Variants in NHS observed in about 807,000 individuals in gnomAD.
NHS encodes NHS actin remodeling regulator.
NHS carries 5 observed loss-of-function variants against 72.5 expected under a neutral mutation model. The ratio of observed to expected loss-of-function variants is 0.07; its 90% CI spans 0.04 to 0.14. The LOEUF is 0.14. NHS is among the 10% of genes least tolerant of loss of function. The pLI is 1.00. For missense variants in NHS, 1,072 were observed against 1,355.7 expected (o/e 0.79, Z 3.29); for synonymous variants, 464 against 547.7 (o/e 0.85, Z 2.13).
intron 1 of NHS, among the ~76,000 whole-genome samples, chrX:17,529,907 G>A (rs908496269): frequency 3.6e-5 from 4 of 111,398 alleles, no homozygotes; most frequent in Non-Finnish European, 7.5e-5. Flanking sequence ...TGTCTTTTGA[G>A]TTTGTTTTAC....
At chrX:17,522,931 T>C (rs1238045580) in intron 1 of NHS, among the ~76,000 whole-genome samples, 1 of 111,695 alleles carries the variant, frequency 9.0e-6, no homozygotes. Context: ...TCTAGTTACA[T>C]CAAGAAGTCA....
In NHS at chrX:17,692,381, C is replaced by A; in HGVS notation, c.765C>A (p.Pro255=). 2 of 1,210,953 alleles carry A rather than the reference C, an allele frequency of 1.7e-6. No homozygotes were observed. The highest frequency in any genetic ancestry group is 2.2e-6 in the Non-Finnish European group (2 of 895,129). Residue 255 remains proline (P), a synonymous_variant, in exon 3 of 9, where the codon CCC becomes CCA. Coordinates refer to ENST00000676302, the MANE Select transcript of NHS (RefSeq NM_001291867.2). ...GCCGAGAGCAAAGAGCAGCTGCCCC[C>A]CTTTCCATTGCAGCTCCTCCACTGC... is the stretch of plus-strand genomic sequence containing the variant. ...SDRREQRAAA[P]LSIAAPPLPA...
At chrX:17,527,102 C>T (rs2065176829) in intron 1 of NHS, among the ~76,000 whole-genome samples, 1 of 112,449 alleles carries the variant, frequency 8.9e-6, no homozygotes, top group African/African-American at 3.2e-5. Context: ...ACCAGTTCAC[C>T]CTGTTGGGCT....
In NHS at chrX:17,687,826, C is replaced by T; in HGVS notation, c.650C>T (p.Ala217Val). 8.2e-7 allele frequency: 1 copy of T among 1,212,171 alleles called. No individual in the cohort carries two copies. Among genetic ancestry groups the T allele is most frequent in the Non-Finnish European group, 1.1e-6 (1 of 895,583 alleles). Residue 217 changes from alanine (A) to valine (V), a missense_variant, in exon 2 of 9, where the codon GCC (alanine) becomes GTC (valine). By Grantham distance (64) the Ala-to-Val change is moderately conservative. Transcript: ENST00000676302. Reference protein sequence around the residue: ...WHQQRNIFLPATRPPCVEELH... With the variant: ...WHQQRNIFLPVTRPPCVEELH... ...CAGCAGCGCAACATCTTCCTCCCAGCCACAAGGCCACCCTGCGTGGAGGAG... is the reference window on the plus strand; with the variant it reads ...CAGCAGCGCAACATCTTCCTCCCAGTCACAAGGCCACCCTGCGTGGAGGAG...
Position 17,446,656 on chromosome X carries a change from CAA to C in NHS, c.565+70348_565+70349del, listed in dbSNP as rs565284624. Among the ~76,000 whole-genome samples, 337 of 90,449 alleles carry C rather than the reference CAA, an allele frequency of 3.7e-3. 4 individuals are homozygous for C. Among genetic ancestry groups the C allele is most frequent in the African/African-American group, 0.012 (316 of 25,380 alleles). 78.5% of individuals were successfully genotyped at this position (90,449 alleles called of 115,157 possible). ...AGGTGAAATAAACAGCCTTTTTGCC[CAA>C]AAAAAAAAAAAAATCAATAAAATAA... On this transcript the variant is annotated intron_variant, in intron 1 of 8. Transcript: ENST00000676302.
At chrX:17,685,488 G>T (rs2066156917) in intron 1 of NHS, among the ~76,000 whole-genome samples, 1 of 111,719 alleles carries the variant, frequency 9.0e-6, no homozygotes, top group South Asian at 3.8e-4. Context: ...TGAATTCACA[G>T]TCCCAAGCAG....
At chrX:17,573,357 C>A (rs2065492241) in intron 1 of NHS, among the ~76,000 whole-genome samples, 2 of 110,895 alleles carry the variant, frequency 1.8e-5, no homozygotes, top group Non-Finnish European at 3.8e-5. Flanking sequence ...TCCAATATTT[C>A]TTGGAAGCTT....
At position 17,678,266 on chromosome X, in the gene NHS, CTGTG is replaced by C. The variant is rs1429843584; in HGVS notation, c.566-9475_566-9472del. On this transcript the variant is annotated intron_variant, in intron 1 of 8. Transcript: ENST00000676302. ...TGTTCTTTTAGACTTTTTTGAATGA[CTGTG>C]GGTGTGTGTGTGTGTGTGTGTGTGA... Among the ~76,000 whole-genome samples, 3 of 104,501 alleles carry C rather than the reference CTGTG, an allele frequency of 2.9e-5. 1 individual carries two copies. The highest frequency in any genetic ancestry group is 2.9e-4 in the East Asian group (1 of 3,406). The allele number at this position is 104,501 out of a possible 115,157, so 90.7% of individuals were successfully genotyped here. A position where few individuals can be genotyped will look rare whatever the true frequency, so the allele number is the denominator to read the frequency against.
chrX:17,589,579 G>A (rs767044485), intron 1 of NHS, among the ~76,000 whole-genome samples: 3 of 111,497 alleles, frequency 2.7e-5, no homozygotes, highest in South Asian at 3.8e-4. Flanking sequence ...TTCTCCACTC[G>A]TTGACTGATG....
At chrX:17,653,062 T>C (rs1468871518) in intron 1 of NHS, among the ~76,000 whole-genome samples, 1 of 110,369 alleles carries the variant, frequency 9.1e-6, no homozygotes, top group Non-Finnish European at 1.9e-5. Context: ...CTTTGATCCA[T>C]AGGAAGCTTC....
At position 17,452,498 on chromosome X, in the gene NHS, T is replaced by TG. The variant is rs1555990914; in HGVS notation, c.565+76176_565+76177insG. Among the ~76,000 whole-genome samples the TG allele has an allele frequency of 8.6e-3, 939 of 109,132 alleles. 20 individuals are homozygous for TG. The highest frequency in any genetic ancestry group is 0.03 in the African/African-American group (882 of 29,841). The allele number at this position is 109,132 out of a possible 115,157, so 94.8% of individuals were successfully genotyped here. On this transcript the variant is annotated intron_variant, in intron 1 of 8. Coordinates refer to ENST00000676302, the MANE Select transcript of NHS (RefSeq NM_001291867.2). ...GGCTCAGTATCTTTCTGTGTTTTTT[T>TG]TTTTTGTTTTTGTTTTTGTTTTTGT...
At chrX:17,428,872 AAG>A (rs2064670840) in intron 1 of NHS, among the ~76,000 whole-genome samples, 1 of 110,335 alleles carries the variant, frequency 9.1e-6, no homozygotes, top group Non-Finnish European at 1.9e-5. Flanking sequence ...GTTTATAAAT[AAG>A]AGTCATTAAG....
chrX:17,681,762 T>C (rs1458574801), intron 1 of NHS, among the ~76,000 whole-genome samples: 15 of 112,031 alleles, frequency 1.3e-4, no homozygotes, highest in Admixed American at 5.7e-4. Flanking sequence ...AAGCATCGTT[T>C]TGTTTTAGAA....
intron 1 of NHS, among the ~76,000 whole-genome samples, chrX:17,490,330 G>A (rs746548792): frequency 8.9e-6 from 1 of 112,318 alleles, no homozygotes; most frequent in East Asian, 2.8e-4. Flanking sequence ...TTCAGTTTCA[G>A]TTTTCTGCAT....
At chrX:17,525,643 T>TC (rs1360161469) in intron 1 of NHS, among the ~76,000 whole-genome samples, 5 of 103,897 alleles carry the variant, frequency 4.8e-5, no homozygotes, top group Admixed American at 1.0e-4. Context: ...CTTTTCTTTT[T>TC]TTTTTTTTTT....
chrX:17,724,465 C>G, intron 6 of NHS, 35 bp downstream of exon 6: 4 of 1,200,029 alleles, frequency 3.3e-6, no homozygotes, highest in Non-Finnish European at 3.4e-6. Flanking sequence ...GTTAACATTC[C>G]TCCGCCTAGT....
chrX:17,507,314 T>C (rs927220233), intron 1 of NHS, among the ~76,000 whole-genome samples: 1 of 112,083 alleles, frequency 8.9e-6, no homozygotes. Flanking sequence ...ACATCTGGGG[T>C]ATTTCTGTGG....
In NHS at chrX:17,426,511, C is replaced by T. The variant is rs150612471; in HGVS notation, c.565+50189C>T. Among the ~76,000 whole-genome samples the T allele has an allele frequency of 3.6e-3, 404 of 112,027 alleles. 2 individuals carry two copies. The highest frequency in any genetic ancestry group is 0.012 in the African/African-American group (380 of 30,860). On this transcript the variant is annotated intron_variant, in intron 1 of 8. Coordinates refer to ENST00000676302, the MANE Select transcript of NHS (RefSeq NM_001291867.2). ...TCAGCTATATGACAGGTTATTTTAC[C>T]TCTCTAGGCCTCAGCTTCCTCTTCA...
chrX:17,580,512 T>C (rs900681851), intron 1 of NHS, among the ~76,000 whole-genome samples: 3 of 112,339 alleles, frequency 2.7e-5, no homozygotes, highest in African/African-American at 9.7e-5. Flanking sequence ...AATGGATAAC[T>C]GCTATGAAAT....
Sources: allele counts gnomAD v4.1 joint callset (sites outside exome capture counted in the v4.1 genomes callset), GRCh38; gene constraint gnomAD v4.1.1; transcripts MANE v1.5; gene names NCBI Gene and HGNC (gene_info 2026-07-23, HGNC 2026-07-21).